Variants in ENGASE observed in about 807,000 individuals in gnomAD.
ENGASE encodes endo-beta-N-acetylglucosaminidase.
A neutral mutation model predicts 78.5 loss-of-function variants in ENGASE; 69 were observed. The ratio of observed to expected loss-of-function variants is 0.88; its 90% CI spans 0.72 to 1.07. The LOEUF (loss-of-function observed/expected upper bound fraction) is 1.07, where lower values mean the gene tolerates loss of function less well. Among genes scored for constraint, ENGASE ranks in the 50% least tolerant of loss-of-function variants. The pLI, the probability that ENGASE is intolerant of heterozygous loss-of-function variation, is 0.00. For missense variants in ENGASE, 943 were observed against 988.4 expected, an observed-to-expected ratio of 0.95 and a Z score of 0.62; for synonymous variants, 408 against 408.9, an observed-to-expected ratio of 1.00 and a Z score of 0.03.
chr17:79,083,623 C>T lies in ENGASE; in HGVS notation c.1251+33C>T. 2 of 1,591,468 alleles carry T rather than the reference C, an allele frequency of 1.3e-6. No individual in the cohort carries two copies. The highest frequency in any genetic ancestry group is 1.7e-6 in the Non-Finnish European group (2 of 1,160,158). ...GGTGTCTTCCCTCCGTGTCTGTCCT[C>T]TGGCCTCAGCTGGGACAGGTGGGAG... On this transcript the variant is annotated intron_variant, in intron 9 of 13. Transcript: ENST00000579016. This position sits in a 1 kb window ranked among gnomAD's most constrained non-coding sequence, Gnocchi z 4.9.
chr17:79,081,102 G>T, intron 6 of ENGASE, 29 bp downstream of exon 6: 1 of 1,558,648 alleles, frequency 6.4e-7, no homozygotes, highest in Non-Finnish European at 8.7e-7. Flanking sequence ...GCTGTGAGGG[G>T]GCAGGTGCCG....
chr17:79,084,925 A>C (rs2073248537), intron 11 of ENGASE, among the ~76,000 whole-genome samples: 1 of 152,070 alleles, frequency 6.6e-6, no homozygotes, highest in South Asian at 2.1e-4. Context: ...CAGGGTGGAC[A>C]TGGGCCCCTC....
chr17:79,074,868 G>A lies in ENGASE; in HGVS notation c.-77G>A. ...CGTCCCAGCGCGGCGTCAGCGCTGC[G>A]CACTTCCCATTGGCCGAGCGCGGCG... On this transcript the variant is annotated 5_prime_UTR_variant, in exon 1 of 14. Transcript: ENST00000579016. 2 of 1,219,928 alleles carry A rather than the reference G, an allele frequency of 1.6e-6. No individual in the cohort carries two copies. The highest frequency in any genetic ancestry group is 2.0e-6 in the Non-Finnish European group (2 of 978,586). The allele number at this position is 1,219,928 out of a possible 1,614,324, so 75.6% of individuals were successfully genotyped here. A position where few individuals can be genotyped will look rare whatever the true frequency, so the allele number is the denominator to read the frequency against.
chr17:79,080,844 CT>C (rs2073112325), intron 5 of ENGASE, 80 bp from the exon 6 acceptor site: 3 of 1,480,460 alleles, frequency 2.0e-6, no homozygotes, highest in East Asian at 4.1e-5. Context: ...CTGCATCCCC[CT>C]GTCTGTCCAG....
Position 79,084,612 on chromosome 17 carries a change from A to T in ENGASE, c.1517A>T (p.Asp506Val). ...SMVYKLEGPT[D>V]VTVALELTTG... ...GTGTATAAGCTTGAGGGGCCCACGG[A>T]CGTCACAGTTGCTTTGGAGCTGACC... The change falls in exon 11 of 14, where the codon GAC (aspartate) becomes GTC (valine). Residue 506 changes from aspartate to valine, a missense_variant. By Grantham distance (152) the Asp-to-Val change is radical. Transcript: ENST00000579016. The T allele has an allele frequency of 1.9e-6, 3 of 1,612,338 alleles. No individual in the cohort carries two copies. The highest frequency in any genetic ancestry group is 1.7e-4 in the Middle Eastern group (1 of 6,054).
chr17:79,076,550 C>T lies in ENGASE; in HGVS notation c.147-880C>T, dbSNP rs549654112. On this transcript the variant is annotated intron_variant, in intron 1 of 13. Coordinates refer to ENST00000579016, the MANE Select transcript of ENGASE (RefSeq NM_001042573.3). ...CCTTACTCCAGCCTGGGCGACAGAGCGAGACTCTGTCTCAATTAATCAATC... is the reference window on the plus strand; with the variant it reads ...CCTTACTCCAGCCTGGGCGACAGAGTGAGACTCTGTCTCAATTAATCAATC... Among the ~76,000 whole-genome samples, 32 of 152,290 alleles carry T rather than the reference C, an allele frequency of 2.1e-4. No homozygotes were observed. The South Asian group carries it at 6.4e-3, about 31-fold the overall frequency.
At chr17:79,081,309 T>G (rs1216595831) in intron 6 of ENGASE, among the ~76,000 whole-genome samples, 1 of 152,208 alleles carries the variant, frequency 6.6e-6, no homozygotes, top group Non-Finnish European at 1.5e-5. Flanking sequence ...GAGACCATCC[T>G]GGCTAACACG....
rs7212222 is a variant in ENGASE at position 79,079,006 on chromosome 17, A to G, written c.417-483A>G. 4.5e-3 allele frequency among the ~76,000 whole-genome samples: 685 copies of G among 152,300 alleles called. 9 individuals carry two copies. The highest frequency in any genetic ancestry group is 0.016 in the African/African-American group (651 of 41,574). Reference sequence around the variant, plus strand: ...GTCAGAGCACTCTGCCTGTGGCTACAGGAGTGGCAGCTGGTTCCTGCCTCT... The same window carrying G: ...GTCAGAGCACTCTGCCTGTGGCTACGGGAGTGGCAGCTGGTTCCTGCCTCT... On this transcript the variant is annotated intron_variant, in intron 3 of 13. Coordinates refer to ENST00000579016, the MANE Select transcript of ENGASE (RefSeq NM_001042573.3).
In ENGASE at chr17:79,080,464, T is replaced by C. The variant is rs2073099363; in HGVS notation, c.723+100T>C. On this transcript the variant is annotated intron_variant, in intron 5 of 13. Coordinates refer to ENST00000579016, the MANE Select transcript of ENGASE (RefSeq NM_001042573.3). ...GCCTCACCTCGCCCCACGCCTGGGC[T>C]GCAGGTTGCAGCAGTAAGAGCCACT... 9.2e-6 allele frequency: 13 copies of C among 1,407,838 alleles called. No homozygotes were observed. The South Asian group carries it at 1.5e-4, about 16-fold the overall frequency. 87.2% of individuals were successfully genotyped at this position (1,407,838 alleles called of 1,614,324 possible).
chr17:79,080,183 C>G (rs1568088178), intron 4 of ENGASE, 24 bp from the exon 5 acceptor site: 1 of 1,561,754 alleles, frequency 6.4e-7, no homozygotes, highest in Non-Finnish European at 8.7e-7. Context: ...CGTGGCTGAC[C>G]TTGTTTCTCT....
chr17:79,086,195 C>G lies in ENGASE; in HGVS notation c.2078C>G (p.Thr693Ser). Residue 693 changes from threonine (T) to serine (S), a missense_variant, in exon 14 of 14, where the codon ACC becomes AGC. By Grantham distance (58) the Thr-to-Ser change is moderately conservative (BLOSUM62 1). Transcript: ENST00000579016. ...ATGTTCCTGGGGTTGGCTTTTGCCA[C>G]CCAGTACCGGATAGTGGACCTGCTG... is the stretch of plus-strand genomic sequence containing the variant. ...MPMFLGLAFA[T>S]QYRIVDLLVE... The G allele has an allele frequency of 6.2e-7, 1 of 1,613,686 alleles. No individual in the cohort carries two copies. Among genetic ancestry groups the G allele is most frequent in the Non-Finnish European group, 8.5e-7 (1 of 1,180,030 alleles).
Position 79,080,234 on chromosome 17 carries a change from G to T in ENGASE, c.593G>T (p.Gly198Val), listed in dbSNP as rs920169797. The part of the protein sequence containing the change: ...LGTFITEWNE[G>V]GRLCEAFLAG... ...ACTTTCATCACGGAGTGGAATGAAGGGGGAAGGCTCTGTGAAGCCTTCCTG... is the reference window on the plus strand; with the variant it reads ...ACTTTCATCACGGAGTGGAATGAAGTGGGAAGGCTCTGTGAAGCCTTCCTG... The change falls in exon 5 of 14, where the codon GGG (glycine) becomes GTG (valine). Residue 198 changes from glycine (G) to valine (V), a missense_variant. Coordinates refer to ENST00000579016, the MANE Select transcript of ENGASE (RefSeq NM_001042573.3). 6.2e-7 allele frequency: 1 copy of T among 1,610,326 alleles called. No individual in the cohort carries two copies. Among genetic ancestry groups the T allele is most frequent in the African/African-American group, 1.3e-5 (1 of 74,934 alleles).
intron 1 of ENGASE, among the ~76,000 whole-genome samples, 175 bp downstream of exon 1, chr17:79,075,265 C>T (rs2072941265): frequency 6.6e-6 from 1 of 152,202 alleles, no homozygotes; most frequent in African/African-American, 2.4e-5. Context: ...GTCCGCCCCG[C>T]CGTCCTCGCG....
chr17:79,082,083 C>T lies in ENGASE; in HGVS notation c.1038+20C>T. The T allele has an allele frequency of 6.2e-7, 1 of 1,614,122 alleles. No homozygotes were observed. ...GACAAGGTGGGTGGTGGCTTTCGTC[C>T]AAGGGCCAGCGGCCCAGTGCCTCCC... On this transcript the variant is annotated intron_variant, in intron 7 of 13. Transcript: ENST00000579016.
chr17:79,084,423 T>G, intron 10 of ENGASE, 115 bp from the exon 11 acceptor site: 2 of 1,072,072 alleles, frequency 1.9e-6, no homozygotes, highest in East Asian at 2.7e-5. Flanking sequence ...TGTGGGAGCA[T>G]TTGGCACCCA....
rs112577741 is a variant in ENGASE at position 79,087,218 on chromosome 17, C to T, written c.*869C>T. On this transcript the variant is annotated 3_prime_UTR_variant, in exon 14 of 14. Transcript: ENST00000579016. ...GGCAGGAAGCAGCACCTGCCCCCCG[C>T]GCCAGCCCAGCCCCAGCCTGAGTGC... is the stretch of plus-strand genomic sequence containing the variant. 255 of 362,624 alleles carry T rather than the reference C, an allele frequency of 7.0e-4. No homozygotes were observed. The highest frequency in any genetic ancestry group is 3.7e-3 in the African/African-American group (175 of 47,314). The allele number at this position is 362,624 out of a possible 1,614,324, so 22.5% of individuals were successfully genotyped here.
At position 79,083,126 on chromosome 17, in the gene ENGASE, G is replaced by C; in HGVS notation, c.1142+3G>C. 6.2e-7 allele frequency: 1 copy of C among 1,605,062 alleles called. No individual in the cohort carries two copies. The stretch of plus-strand genomic sequence containing the variant: ...GATTTCTTCCAGAACCAGGACAAGT[G>C]AGTCCTGCTGTCCTGGGTGCTTAGT... On this transcript the variant is annotated splice_donor_region_variant and intron_variant, in intron 8 of 13. Coordinates refer to ENST00000579016, the MANE Select transcript of ENGASE (RefSeq NM_001042573.3). The surrounding 1 kb of genome is among the most constrained non-coding windows in gnomAD (Gnocchi z 4.9).
chr17:79,083,867 G>A lies in ENGASE; in HGVS notation c.1358G>A (p.Cys453Tyr). The change falls in exon 10 of 14, where the codon TGC (cysteine) becomes TAC (tyrosine). Residue 453 changes from cysteine (C) to tyrosine (Y), a missense_variant. By Grantham distance (194) the Cys-to-Tyr change is radical. Transcript: ENST00000579016. The surrounding 1 kb of genome is among the most constrained non-coding windows in gnomAD (Gnocchi z 4.9). ...GGCCGGGGCTGGGTGAGGACGCACT[G>A]CTGCCTGGAGGATGCCTGGCACGGA... Reference protein sequence around the residue: ...GDGRGWVRTHCCLEDAWHGGS... With the variant: ...GDGRGWVRTHYCLEDAWHGGS... 6.2e-7 allele frequency: 1 copy of A among 1,612,624 alleles called. No homozygotes were observed. Among genetic ancestry groups the A allele is most frequent in the Non-Finnish European group, 8.5e-7 (1 of 1,179,822 alleles).
chr17:79,075,148 G>C, intron 1 of ENGASE, 58 bp downstream of exon 1: 2 of 1,196,782 alleles, frequency 1.7e-6, no homozygotes, highest in Non-Finnish European at 2.1e-6. Flanking sequence ...CCGTGGCCCC[G>C]GGGCCCGAGG....
Sources: allele counts gnomAD v4.1 joint callset (sites outside exome capture counted in the v4.1 genomes callset), GRCh38; gene constraint gnomAD v4.1.1; non-coding constraint Gnocchi (gnomAD v3.1); transcripts MANE v1.5; gene names NCBI Gene and HGNC (gene_info 2026-07-23, HGNC 2026-07-21).